SLC26A4: variants seen among roughly 807,000 people sequenced by gnomAD.
The protein encoded by SLC26A4 is solute carrier family 26 member 4, also known as pendrin.
In SLC26A4, 93 loss-of-function variants were observed where a neutral mutation model predicts 90.4. The ratio of observed to expected loss-of-function variants is 1.03; its 90% CI spans 0.87 to 1.22. The LOEUF (loss-of-function observed/expected upper bound fraction) is 1.22. Among genes scored for constraint, SLC26A4 ranks in the 50% most tolerant of loss-of-function variants. The probability of loss-of-function intolerance (pLI) is 0.00; values close to 1 mark genes in which losing one functional copy is unlikely to be tolerated. For missense variants in SLC26A4, 1,127 were observed against 946.2 expected (o/e 1.19, Z -2.51); for synonymous variants, 393 against 354.6 (o/e 1.11, Z -1.22).
chr7:107,679,418 GA>G (rs1791115546), intron 6 of SLC26A4, among the ~76,000 whole-genome samples: 1 of 152,110 alleles, frequency 6.6e-6, no homozygotes, highest in Non-Finnish European at 1.5e-5. Context: ...AGGTGGTCGT[GA>G]AGCATTTGTG....
rs533390255 is a variant in SLC26A4 at position 107,661,038 on chromosome 7, T to G, written c.-4+183T>G. ...GGAAAACAGGACGAGGGGAGAGACT[T>G]GCTCAATAAGCTGAAAGTTCTGCCC... On this transcript the variant is annotated intron_variant, in intron 1 of 20. Transcript: ENST00000644269. The surrounding 1 kb of genome is among the most constrained non-coding windows in gnomAD (Gnocchi z 5.1). The G allele has an allele frequency of 6.5e-6, 1 of 152,990 alleles. No individual in the cohort carries two copies. Among genetic ancestry groups the G allele is most frequent in the African/African-American group, 2.4e-5 (1 of 41,430 alleles). 9.5% of individuals were successfully genotyped at this position (152,990 alleles called of 1,614,324 possible). A position where few individuals can be genotyped will look rare whatever the true frequency, so the allele number is the denominator to read the frequency against.
At chr7:107,700,847 T>G (rs1306581670) in intron 15 of SLC26A4, among the ~76,000 whole-genome samples, 1 of 151,902 alleles carries the variant, frequency 6.6e-6, no homozygotes, top group Non-Finnish European at 1.5e-5. Context: ...TATTTTGGGG[T>G]GTGTGTGTGT....
chr7:107,712,055 A>G (rs1268470954), intron 19 of SLC26A4, among the ~76,000 whole-genome samples: 2 of 152,198 alleles, frequency 1.3e-5, no homozygotes, highest in Non-Finnish European at 2.9e-5. Flanking sequence ...TAAACAGTAG[A>G]GCTTTTCTGA....
chr7:107,667,579 G>A (rs984191205), intron 3 of SLC26A4, among the ~76,000 whole-genome samples: 6 of 151,748 alleles, frequency 4.0e-5, no homozygotes, highest in African/African-American at 1.5e-4. Flanking sequence ...ATGAATCAGA[G>A]GGAGATAAGA....
At chr7:107,677,043 G>C (rs1175814195) in intron 6 of SLC26A4, among the ~76,000 whole-genome samples, 2 of 152,092 alleles carry the variant, frequency 1.3e-5, no homozygotes, top group African/African-American at 2.4e-5. Flanking sequence ...CATGCATTGT[G>C]GCACGCACCT....
Position 107,711,974 on chromosome 7 carries a change from T to C in SLC26A4, c.2236-565T>C, listed in dbSNP as rs1792203431. Among the ~76,000 whole-genome samples the C allele has an allele frequency of 2.0e-5, 3 of 152,216 alleles. No homozygotes were observed. The South Asian group carries it at 6.2e-4, about 31-fold the overall frequency. On this transcript the variant is annotated intron_variant, in intron 19 of 20. Coordinates refer to ENST00000644269, the MANE Select transcript of SLC26A4 (RefSeq NM_000441.2). ...TGGAGTTGCTTTGAAAATGTCCTTTTCCATGCAAAACACAAAGCCAAAATT... is the reference window on the plus strand; with the variant it reads ...TGGAGTTGCTTTGAAAATGTCCTTTCCCATGCAAAACACAAAGCCAAAATT...
rs560536749 is a variant in SLC26A4 at position 107,715,969 on chromosome 7, A to G, written c.*523A>G. On this transcript the variant is annotated 3_prime_UTR_variant, in exon 21 of 21. Transcript: ENST00000644269. Reference sequence around the variant, plus strand: ...TAATAAATTGGAGTTTTAAAAATGCAAATTTGCTTAGTATCTAATAATGAA... The same window carrying G: ...TAATAAATTGGAGTTTTAAAAATGCGAATTTGCTTAGTATCTAATAATGAA... The G allele has an allele frequency of 5.4e-4, 84 of 155,208 alleles. No homozygotes were observed. The highest frequency in any genetic ancestry group is 9.8e-4 in the Non-Finnish European group (68 of 69,630). The allele number at this position is 155,208 out of a possible 1,614,324, so 9.6% of individuals were successfully genotyped here.
chr7:107,701,051 T>C, intron 15 of SLC26A4, 50 bp from the exon 16 acceptor site: 1 of 1,101,120 alleles, frequency 9.1e-7, no homozygotes. Flanking sequence ...TTGCCATTAA[T>C]AAGCTTTAGG....
chr7:107,688,803 A>T (rs952811239), intron 8 of SLC26A4, among the ~76,000 whole-genome samples: 8 of 152,224 alleles, frequency 5.3e-5, no homozygotes, highest in African/African-American at 1.9e-4. Flanking sequence ...CATGTGAGAG[A>T]TAGAGAAGAG....
chr7:107,675,259 A>G, intron 6 of SLC26A4, 150 bp downstream of exon 6: 1 of 572,796 alleles, frequency 1.7e-6, no homozygotes, highest in Admixed American at 2.3e-5. Flanking sequence ...TGAGCCCAGG[A>G]GTTTGAGACG....
At chr7:107,685,951 C>A (rs1791385452) in intron 8 of SLC26A4, among the ~76,000 whole-genome samples, 1 of 152,122 alleles carries the variant, frequency 6.6e-6, no homozygotes, top group East Asian at 1.9e-4. Flanking sequence ...AAATTTTAAT[C>A]CCTATTCACT....
At chr7:107,693,233 A>AG (rs1791628160) in intron 10 of SLC26A4, 1 of 928,858 alleles carries the variant, frequency 1.1e-6, no homozygotes, top group Non-Finnish European at 1.3e-6. Context: ...GAGAAGGGAA[A>AG]GAGCACCAGG....
chr7:107,682,982 G>A (rs1356071400), intron 6 of SLC26A4, among the ~76,000 whole-genome samples: 1 of 151,892 alleles, frequency 6.6e-6, no homozygotes, highest in East Asian at 1.9e-4. Context: ...AAAAAACTTG[G>A]TGTATATATA....
chr7:107,706,142 GT>G (rs1328925123), intron 18 of SLC26A4, among the ~76,000 whole-genome samples: 1 of 152,140 alleles, frequency 6.6e-6, no homozygotes, highest in East Asian at 1.9e-4. Context: ...TGAACCATAT[GT>G]TTTTCTTTCT....
chr7:107,707,129 C>T lies in SLC26A4; in HGVS notation c.2089+2744C>T, dbSNP rs548493529. Among the ~76,000 whole-genome samples, 6 of 151,902 alleles carry T rather than the reference C, an allele frequency of 3.9e-5. No individual in the cohort carries two copies. The East Asian group carries it at 9.7e-4, about 25-fold the overall frequency. On this transcript the variant is annotated intron_variant, in intron 18 of 20. Transcript: ENST00000644269. ...TCCAACCTGGGTGACAGAGTGAGAC[C>T]CTGTCTCAAAAAATAAAAAAAAAGT...
At chr7:107,668,874 G>A (rs1160119809) in intron 3 of SLC26A4, among the ~76,000 whole-genome samples, 1 of 152,082 alleles carries the variant, frequency 6.6e-6, no homozygotes, top group Non-Finnish European at 1.5e-5. Context: ...CTGTTTATTA[G>A]CACCTGCTTT....
rs1041496662 is a variant in SLC26A4 at position 107,678,538 on chromosome 7, G to A, written c.765+3429G>A. 2.0e-5 allele frequency among the ~76,000 whole-genome samples: 3 copies of A among 152,144 alleles called. No homozygotes were observed. The East Asian group carries it at 5.8e-4, about 29-fold the overall frequency. ...CTTTGACAGGGACAAAAGTGAGCAG[G>A]AAACACTAGACCAAGGTCAAAAATA... On this transcript the variant is annotated intron_variant, in intron 6 of 20. Coordinates refer to ENST00000644269, the MANE Select transcript of SLC26A4 (RefSeq NM_000441.2).
In SLC26A4 at chr7:107,661,788, C is replaced by G. The variant is rs756969021; in HGVS notation, c.147C>G (p.Ser49Arg). The G allele has an allele frequency of 8.1e-5, 125 of 1,538,842 alleles. 1 individual carries two copies. The East Asian group carries it at 3.0e-3, about 36-fold the overall frequency. ...AGGAGCGCAAGACGCTGCGGGAGAG[C>G]CTGGCCAAGTGCTGCAGGTAGCGGC... ...RLQERKTLRE[S>R]LAKCCSCSRK... The change falls in exon 2 of 21, where the codon AGC (serine) becomes AGG (arginine). Residue 49 changes from serine to arginine, a missense_variant. Transcript: ENST00000644269. This position sits in a 1 kb window ranked among gnomAD's most constrained non-coding sequence, Gnocchi z 5.1.
At position 107,661,904 on chromosome 7, in the gene SLC26A4, G is replaced by A. The variant is rs1426394232; in HGVS notation, c.164+99G>A. 1 of 1,349,226 alleles carries A rather than the reference G, an allele frequency of 7.4e-7. No individual in the cohort carries two copies. Among genetic ancestry groups the A allele is most frequent in the Non-Finnish European group, 9.9e-7 (1 of 1,010,608 alleles). The allele number at this position is 1,349,226 out of a possible 1,614,324, so 83.6% of individuals were successfully genotyped here. A position where few individuals can be genotyped will look rare whatever the true frequency, so the allele number is the denominator to read the frequency against. ...CAGCGGGCGAGAGTGGGGTGCGGGCGGCGGAGCCCCTGGGCGCCAGCTGCT... is the reference window on the plus strand; with the variant it reads ...CAGCGGGCGAGAGTGGGGTGCGGGCAGCGGAGCCCCTGGGCGCCAGCTGCT... On this transcript the variant is annotated intron_variant, in intron 2 of 20. Coordinates refer to ENST00000644269, the MANE Select transcript of SLC26A4 (RefSeq NM_000441.2). The surrounding 1 kb of genome is among the most constrained non-coding windows in gnomAD (Gnocchi z 5.1).
Sources: allele counts gnomAD v4.1 joint callset (sites outside exome capture counted in the v4.1 genomes callset), GRCh38; gene constraint gnomAD v4.1.1; non-coding constraint Gnocchi (gnomAD v3.1); transcripts MANE v1.5; gene names NCBI Gene and HGNC (gene_info 2026-07-23, HGNC 2026-07-21).